The following ROBO2 variants were observed in gnomAD, a reference collection of about 807,000 sequenced individuals.
ROBO2 encodes roundabout homolog 2.
A neutral mutation model predicts 160.8 loss-of-function variants in ROBO2; 53 were observed. The observed-to-expected ratio is 0.33, with a 90% CI of 0.26 to 0.41. The LOEUF is 0.41. Ranked by LOEUF, ROBO2 falls within the 10% of genes least tolerant of loss-of-function variation. The pLI is 1.00. For synonymous variants in ROBO2, 664 were observed against 611.7 expected (o/e 1.09, Z -1.26); for missense variants, 1,577 against 1,722.4 (o/e 0.92, Z 1.49).
intron 16 of ROBO2, among the ~76,000 whole-genome samples, chr3:77,582,647 C>T (rs1406948359): frequency 6.6e-6 from 1 of 152,002 alleles, no homozygotes; most frequent in East Asian, 1.9e-4. Flanking sequence ...TATAAGTATC[C>T]TAGAGCAGTA....
intron 2 of ROBO2, among the ~76,000 whole-genome samples, chr3:76,446,750 A>G (rs1057330647): frequency 7.9e-5 from 12 of 152,184 alleles, no homozygotes; most frequent in Admixed American, 5.9e-4. Flanking sequence ...AGCCACAACC[A>G]TCTGATCTTT....
chr3:76,235,155 T>C (rs1309874009), intron 2 of ROBO2, among the ~76,000 whole-genome samples: 1 of 152,168 alleles, frequency 6.6e-6, no homozygotes, highest in Non-Finnish European at 1.5e-5. Context: ...ATGTGACTTA[T>C]TTGGCATTGA....
At chr3:77,484,135 A>G (rs1401114064) in intron 4 of ROBO2, among the ~76,000 whole-genome samples, 6 of 151,974 alleles carry the variant, frequency 3.9e-5, no homozygotes, top group African/African-American at 1.4e-4. Flanking sequence ...ATAACATCCT[A>G]ATTAACTGGG....
At chr3:77,572,704 C>T (rs1559640176) in intron 13 of ROBO2, among the ~76,000 whole-genome samples, 1 of 151,602 alleles carries the variant, frequency 6.6e-6, no homozygotes, top group Non-Finnish European at 1.5e-5. Flanking sequence ...TTTGGACATT[C>T]TAAGTATTTC....
chr3:76,357,994 T>C (rs1020927046), intron 2 of ROBO2, among the ~76,000 whole-genome samples: 2 of 151,718 alleles, frequency 1.3e-5, no homozygotes, highest in African/African-American at 4.8e-5. Context: ...TAATACTTTA[T>C]AGTTTATTTG....
chr3:77,507,915 A>T (rs73103700), intron 5 of ROBO2, among the ~76,000 whole-genome samples: 23,032 of 152,094 alleles, frequency 0.15, 1,834 homozygotes, highest in African/African-American at 0.2. Flanking sequence ...ATTCAGGAAG[A>T]TGCACCAGAT....
In ROBO2 at chr3:77,449,554, C is replaced by A. The variant is rs150745981; in HGVS notation, c.389-27860C>A. Among the ~76,000 whole-genome samples, 5 of 152,170 alleles carry A rather than the reference C, an allele frequency of 3.3e-5. No homozygotes were observed. The East Asian group carries it at 9.7e-4, about 29-fold the overall frequency. Reference sequence around the variant, plus strand: ...AGAAATCTGCATCTTTCATTAAAATCTCCATCTAGCTGTGTTTCCATTAGA... The same window carrying A: ...AGAAATCTGCATCTTTCATTAAAATATCCATCTAGCTGTGTTTCCATTAGA... On this transcript the variant is annotated intron_variant, in intron 2 of 25. Coordinates refer to ENST00000461745, the Ensembl canonical transcript of ROBO2.
At chr3:77,581,912 G>T (rs2093928575) in intron 16 of ROBO2, among the ~76,000 whole-genome samples, 1 of 151,824 alleles carries the variant, frequency 6.6e-6, no homozygotes, top group African/African-American at 2.4e-5. Flanking sequence ...TCATGTTTTG[G>T]CTACTTTGTT....
chr3:76,765,526 T>C lies in ROBO2; in HGVS notation c.110-332488T>C, dbSNP rs190959100. Among the ~76,000 whole-genome samples, 16 of 151,740 alleles carry C rather than the reference T, an allele frequency of 1.1e-4. No homozygotes were observed. The East Asian group carries it at 2.9e-3, about 28-fold the overall frequency. On this transcript the variant is annotated intron_variant, in intron 2 of 26. Transcript: ENST00000487694. The stretch of plus-strand genomic sequence containing the variant: ...ATGATAGAAATGATGCTGAATGACT[T>C]GCAACGTTACTTCATAAAAGGTCCT...
intron 2 of ROBO2, among the ~76,000 whole-genome samples, chr3:77,030,308 C>A (rs1310312713): frequency 1.1e-4 from 16 of 152,098 alleles, no homozygotes. Context: ...TTTAAATTTT[C>A]TTTATATTTA....
At chr3:76,723,928 C>T (rs1161337242) in intron 2 of ROBO2, among the ~76,000 whole-genome samples, 2 of 152,154 alleles carry the variant, frequency 1.3e-5, no homozygotes, top group Admixed American at 6.5e-5. Context: ...AGTTCTGCAT[C>T]ACAAGCTCTC....
intron 2 of ROBO2, among the ~76,000 whole-genome samples, chr3:76,974,375 A>G (rs1019897576): frequency 1.3e-5 from 2 of 152,164 alleles, no homozygotes; most frequent in African/African-American, 4.8e-5. Context: ...TTTAGTGAAT[A>G]GCTGGCCAGA....
intron 2 of ROBO2, among the ~76,000 whole-genome samples, chr3:76,614,497 T>G (rs1265201102): frequency 2.6e-5 from 4 of 152,118 alleles, no homozygotes; most frequent in African/African-American, 9.6e-5. Context: ...CATTGTTCTC[T>G]GTGAGAGTTT....
At chr3:76,495,467 T>A (rs2080096177) in intron 2 of ROBO2, among the ~76,000 whole-genome samples, 2 of 152,096 alleles carry the variant, frequency 1.3e-5, no homozygotes, top group Admixed American at 1.3e-4. Context: ...CTGAAGTGCT[T>A]ACTAACTTAG....
chr3:76,234,483 C>A (rs1348105239), intron 2 of ROBO2, among the ~76,000 whole-genome samples: 1 of 152,058 alleles, frequency 6.6e-6, no homozygotes, highest in Non-Finnish European at 1.5e-5. Context: ...TTGGACAAAC[C>A]TAACAGGTTT....
At chr3:76,600,687 G>A (rs556076858) in intron 2 of ROBO2, among the ~76,000 whole-genome samples, 194 of 152,234 alleles carry the variant, frequency 1.3e-3, no homozygotes, top group African/African-American at 4.4e-3. Flanking sequence ...CCCACGACAC[G>A]TGGGAATTGT....
intron 2 of ROBO2, among the ~76,000 whole-genome samples, chr3:76,131,034 A>G (rs1158591855): frequency 1.3e-5 from 2 of 152,206 alleles, no homozygotes; most frequent in Non-Finnish European, 2.9e-5. Context: ...CTTTAAAATG[A>G]GAACTTATCT....
chr3:77,440,683 GC>G (rs1340027126), intron 2 of ROBO2, among the ~76,000 whole-genome samples: 1 of 152,142 alleles, frequency 6.6e-6, no homozygotes, highest in African/African-American at 2.4e-5. Flanking sequence ...ATTCTCAATT[GC>G]AAGACCTATG....
rs542244762 is a variant in ROBO2 at position 76,679,413 on chromosome 3, T to C, written c.110-418601T>C. 5.3e-5 allele frequency among the ~76,000 whole-genome samples: 8 copies of C among 152,258 alleles called. 2 individuals are homozygous for C. The South Asian group carries it at 1.7e-3, about 32-fold the overall frequency. ...AAAAAATTTCTAATCTGAGTTACAC[T>C]GAACTTTTTTTATACTAAAATTGTA... On this transcript the variant is annotated intron_variant, in intron 2 of 26. Coordinates refer to the ROBO2 transcript ENST00000487694.
Sources: gnomAD v4.1 joint callset for allele counts (sites outside exome capture counted in the v4.1 genomes callset) on GRCh38, gnomAD v4.1.1 for gene constraint, MANE v1.5 for transcripts, NCBI Gene and HGNC (gene_info 2026-07-23, HGNC 2026-07-21) for gene names.